TDRD12: variants seen among roughly 807,000 people sequenced by gnomAD.
TDRD12 encodes tudor domain containing 12.
A neutral mutation model predicts 133.5 loss-of-function variants in TDRD12; 158 were observed. The observed-to-expected ratio is 1.18, with a 90% CI of 1.04 to 1.35. The LOEUF (loss-of-function observed/expected upper bound fraction) is 1.35. TDRD12 is among the 40% of genes most tolerant of loss of function. The probability of loss-of-function intolerance (pLI) is 0.00; values close to 1 mark genes in which losing one functional copy is unlikely to be tolerated. For missense variants in TDRD12, 1,443 were observed against 1,321.3 expected (o/e 1.09, Z -1.43); for synonymous variants, 460 against 477.9 (o/e 0.96, Z 0.49).
exon 9 of TDRD12, chr19:32,772,839 G>T: frequency 6.8e-7 from 1 of 1,467,262 alleles, no homozygotes; most frequent in Non-Finnish European, 9.1e-7. Context: ...CTCTTTAAAA[G>T]ATACAAATAA....
downstream of TDRD12, among the ~76,000 whole-genome samples, chr19:32,822,045 C>T (rs1169854339): frequency 3.3e-5 from 5 of 152,092 alleles, no homozygotes; most frequent in East Asian, 1.9e-4. Flanking sequence ...CAATTGAACC[C>T]GGGAGGCAGA....
At chr19:32,761,470 G>A (rs1001506841) in intron 8 of TDRD12, among the ~76,000 whole-genome samples, 4 of 151,948 alleles carry the variant, frequency 2.6e-5, no homozygotes, top group African/African-American at 9.7e-5. Context: ...AACATTTCCT[G>A]GGTCTCCTTG....
At chr19:32,750,291 AG>A (rs201388246) in intron 6 of TDRD12, among the ~76,000 whole-genome samples, 4,465 of 152,250 alleles carry the variant, frequency 0.029, 138 homozygotes, top group Non-Finnish European at 0.035. Flanking sequence ...TACCTCTGCC[AG>A]GTGCCAGCTG....
At chr19:32,720,298 C>T (rs2145390181) in intron 1 of TDRD12, among the ~76,000 whole-genome samples, 1 of 94,436 alleles carries the variant, frequency 1.1e-5, no homozygotes, top group South Asian at 4.1e-4. Flanking sequence ...CCTCCACACC[C>T]ACTCCTCCCA....
At chr19:32,826,160 A>C, downstream of TDRD12, 1 of 1,535,782 alleles carries the variant, frequency 6.5e-7, no homozygotes, top group Non-Finnish European at 8.7e-7. Flanking sequence ...GCCTCTGAAA[A>C]GGTACGTCCA....
At chr19:32,764,103 C>CTTTTTTTTTTTTTTTTT (rs5827820) in intron 8 of TDRD12, among the ~76,000 whole-genome samples, 3 of 72,298 alleles carry the variant, frequency 4.1e-5, no homozygotes, top group Non-Finnish European at 4.8e-5. Flanking sequence ...TATTGTCCAT[C>CTTTTTTTTTTTTTTTTT]TTTTTTTTTT....
chr19:32,780,902 C>G (rs535321702), intron 11 of TDRD12, among the ~76,000 whole-genome samples: 57 of 150,064 alleles, frequency 3.8e-4, no homozygotes, highest in African/African-American at 1.4e-3. Flanking sequence ...GGACTACTGT[C>G]TGCCACCATG....
intron 1 of TDRD12, 36 bp downstream of exon 1, chr19:32,720,132 C>T: frequency 1.9e-6 from 3 of 1,542,866 alleles, no homozygotes; most frequent in Non-Finnish European, 2.6e-6. Context: ...GCCAGACCCA[C>T]GCAGTCCCCC....
chr19:32,788,499 A>T (rs1259075207), intron 11 of TDRD12, among the ~76,000 whole-genome samples: 1 of 151,988 alleles, frequency 6.6e-6, no homozygotes, highest in Admixed American at 6.6e-5. Context: ...TTTAATTTGC[A>T]AGGGTTTTCC....
chr19:32,800,385 ATGTG>A (rs113439291), intron 17 of TDRD12, 27 bp downstream of exon 17: 59 of 1,363,722 alleles, frequency 4.3e-5, no homozygotes, highest in Admixed American at 8.1e-5. Context: ...GTGTATGTGT[ATGTG>A]TGTGTGTGTG....
Position 32,800,266 on chromosome 19 carries a change from CAT to C in TDRD12, c.1862_1863del (p.Ile621ArgfsTer10). ...TGCAGTTGGAGTTCATTGGAACAAA[CAT>C]ATAGAACATCTCATCAAAGAGTTCA... On this transcript the variant is annotated frameshift_variant, in exon 17 of 28. Coordinates refer to ENST00000444215, the Ensembl canonical transcript of TDRD12. LOFTEE classifies it high-confidence loss of function. 2 of 1,534,912 alleles carry C rather than the reference CAT, an allele frequency of 1.3e-6. No individual in the cohort carries two copies. Among genetic ancestry groups the C allele is most frequent in the Non-Finnish European group, 1.7e-6 (2 of 1,146,320 alleles).
downstream of TDRD12, among the ~76,000 whole-genome samples, chr19:32,821,923 C>T (rs760714122): frequency 6.6e-6 from 1 of 152,040 alleles, no homozygotes; most frequent in Non-Finnish European, 1.5e-5. Flanking sequence ...ACATTTCTGA[C>T]GTGTATGAAC....
At chr19:32,742,973 G>A (rs1262145019) in intron 4 of TDRD12, 73 bp downstream of exon 4, 1 of 1,525,782 alleles carries the variant, frequency 6.6e-7, no homozygotes, top group Non-Finnish European at 8.8e-7. Context: ...TTTGTATGAA[G>A]TCAGTTCCTC....
At chr19:32,792,356 A>G (rs1351159970) in intron 13 of TDRD12, among the ~76,000 whole-genome samples, 1 of 152,202 alleles carries the variant, frequency 6.6e-6, no homozygotes. Flanking sequence ...CGGAGAGAAG[A>G]CATTGCATCT....
At chr19:32,805,570 C>T (rs1312588883) in intron 21 of TDRD12, among the ~76,000 whole-genome samples, 1 of 151,950 alleles carries the variant, frequency 6.6e-6, no homozygotes, top group Non-Finnish European at 1.5e-5. Context: ...GGACTCTATT[C>T]TGTTACTTTG....
exon 22 of TDRD12, chr19:32,807,570 C>T (rs1219141152): frequency 1.3e-6 from 2 of 1,534,516 alleles, no homozygotes; most frequent in African/African-American, 1.4e-5. Context: ...TCTGTCCTGA[C>T]CGACACCGTA....
At chr19:32,776,724 G>A (rs1191697678) in intron 10 of TDRD12, among the ~76,000 whole-genome samples, 1 of 152,242 alleles carries the variant, frequency 6.6e-6, no homozygotes, top group Non-Finnish European at 1.5e-5. Flanking sequence ...ATCCTGTCCA[G>A]CACCACCACC....
intron 8 of TDRD12, among the ~76,000 whole-genome samples, chr19:32,765,836 A>G (rs1970282300): frequency 6.6e-6 from 1 of 151,872 alleles, no homozygotes; most frequent in African/African-American, 2.4e-5. Flanking sequence ...ACATGTATAC[A>G]TATGTAACAA....
intron 24 of TDRD12, among the ~76,000 whole-genome samples, chr19:32,812,826 G>A (rs1189355445): frequency 1.3e-5 from 2 of 152,184 alleles, no homozygotes; most frequent in African/African-American, 2.4e-5. Flanking sequence ...ATGTGAAAAT[G>A]TGTGTGAGAG....
Sources: gnomAD v4.1 joint callset for allele counts (sites outside exome capture counted in the v4.1 genomes callset) on GRCh38, gnomAD v4.1.1 for gene constraint, MANE v1.5 for transcripts, NCBI Gene and HGNC (gene_info 2026-07-23, HGNC 2026-07-21) for gene names.